Variants in GRB2 observed in about 807,000 individuals in gnomAD.
GRB2 encodes growth factor receptor-bound protein 2.
Under a neutral mutation model 27.4 loss-of-function variants are expected in GRB2, and 2 were observed. The ratio of observed to expected loss-of-function variants is 0.07; its 90% CI spans 0.03 to 0.23. GRB2 has a LOEUF of 0.23. Among genes scored for constraint, GRB2 ranks in the 10% least tolerant of loss-of-function variants. GRB2 has a pLI of 1.00. For synonymous variants in GRB2, 94 were observed against 99.6 expected (o/e 0.94, Z 0.33); for missense variants, 102 against 282.4 (o/e 0.36, Z 4.58).
At position 75,347,913 on chromosome 17, in the gene GRB2, T is replaced by C. The variant is rs543581516; in HGVS notation, c.79-15116A>G. Among the ~76,000 whole-genome samples, 84 of 152,328 alleles carry C rather than the reference T, an allele frequency of 5.5e-4. 1 individual carries two copies. The highest frequency in any genetic ancestry group is 1.9e-3 in the African/African-American group (81 of 41,574). On this transcript the variant is annotated intron_variant, in intron 2 of 5. Transcript: ENST00000316804. The stretch of plus-strand genomic sequence containing the variant: ...GCCTAAAATCAGTTGTATATGTCTT[T>C]TGGAATGCATTAAGGACATGCTCCT...
In GRB2 at chr17:75,363,120, T is replaced by A. The variant is rs545682427; in HGVS notation, c.79-30323A>T. On this transcript the variant is annotated intron_variant, in intron 2 of 5. Coordinates refer to ENST00000316804, the MANE Select transcript of GRB2 (RefSeq NM_002086.5). ...CTATTCCTGTCACAAAGTATGTGTA[T>A]CTGTTTGATTTGGGGGAAAGGGAAG... is the stretch of plus-strand genomic sequence containing the variant. 2.0e-5 allele frequency among the ~76,000 whole-genome samples: 3 copies of A among 152,308 alleles called. No individual in the cohort carries two copies. The South Asian group carries it at 6.2e-4, about 32-fold the overall frequency.
At chr17:75,337,610 G>A (rs1169580929) in intron 2 of GRB2, among the ~76,000 whole-genome samples, 4 of 144,320 alleles carry the variant, frequency 2.8e-5, no homozygotes, top group Non-Finnish European at 6.0e-5. Context: ...TCGCTCTGTC[G>A]CCCAGGCTGG....
chr17:75,332,331 T>C (rs2078546696), intron 3 of GRB2, among the ~76,000 whole-genome samples: 2 of 152,078 alleles, frequency 1.3e-5, no homozygotes, highest in Admixed American at 1.3e-4. Flanking sequence ...TAAGATACCG[T>C]CCCACAGCAT....
At chr17:75,333,093 TAAGACGG>T (rs2078552017) in intron 2 of GRB2, among the ~76,000 whole-genome samples, 1 of 152,020 alleles carries the variant, frequency 6.6e-6, no homozygotes. Context: ...TTTTTTTTTT[TAAGACGG>T]AGTCTTGCTC....
chr17:75,352,283 A>G (rs2078697429), intron 2 of GRB2, among the ~76,000 whole-genome samples: 1 of 152,116 alleles, frequency 6.6e-6, no homozygotes, highest in South Asian at 2.1e-4. Flanking sequence ...CTCCGCCTCT[A>G]GTTCTTTCTC....
chr17:75,362,172 C>T (rs1429256248), intron 2 of GRB2, among the ~76,000 whole-genome samples: 4 of 152,162 alleles, frequency 2.6e-5, no homozygotes, highest in African/African-American at 9.7e-5. Context: ...CTCCAGGACA[C>T]AGATACGTAG....
At chr17:75,350,357 G>A (rs1358598537) in intron 2 of GRB2, among the ~76,000 whole-genome samples, 2 of 152,146 alleles carry the variant, frequency 1.3e-5, no homozygotes, top group Non-Finnish European at 2.9e-5. Context: ...AGAGCTGACA[G>A]CAGGGGAAGC....
intron 1 of GRB2, among the ~76,000 whole-genome samples, chr17:75,401,904 C>CTTAAG (rs1567879197): frequency 2.0e-5 from 3 of 152,126 alleles, no homozygotes; most frequent in Non-Finnish European, 4.4e-5. Flanking sequence ...GAGACCTTAA[C>CTTAAG]TAGTATTTTC....
At chr17:75,337,895 C>CTATTATTATTAT (rs1349829988) in intron 2 of GRB2, among the ~76,000 whole-genome samples, 1 of 124,482 alleles carries the variant, frequency 8.0e-6, no homozygotes, top group African/African-American at 3.3e-5. Context: ...ACTACTACTA[C>CTATTATTATTAT]TACTACTATT....
Position 75,320,824 on chromosome 17 carries a change from G to C in GRB2, c.469-271C>G, listed in dbSNP as rs982726702. 4.6e-5 allele frequency among the ~76,000 whole-genome samples: 7 copies of C among 152,142 alleles called. No individual in the cohort carries two copies. The highest frequency in any genetic ancestry group is 7.3e-5 in the Non-Finnish European group (5 of 68,038). On this transcript the variant is annotated intron_variant, in intron 5 of 5. Transcript: ENST00000316804. The surrounding 1 kb of genome is among the most constrained non-coding windows in gnomAD (Gnocchi z 4.3). ...CAACTGTGCCGTATTATCAAGTAGA[G>C]GGCAGGCAGTGCTTGGAGGAGAAAG...
chr17:75,397,702 C>T (rs966614374), intron 1 of GRB2, among the ~76,000 whole-genome samples: 1 of 152,104 alleles, frequency 6.6e-6, no homozygotes, highest in Non-Finnish European at 1.5e-5. Context: ...CCAGTTTTCT[C>T]ATCTGTAAAA....
intron 2 of GRB2, among the ~76,000 whole-genome samples, chr17:75,344,996 C>CCT (rs111769401): frequency 0.076 from 11,563 of 151,992 alleles, 452 homozygotes; most frequent in Middle Eastern, 0.13. Context: ...GGAGCTCAAA[C>CCT]CTCTACCCTG....
intron 2 of GRB2, among the ~76,000 whole-genome samples, chr17:75,374,865 A>T (rs1178561128): frequency 6.6e-6 from 1 of 152,122 alleles, no homozygotes; most frequent in Non-Finnish European, 1.5e-5. Flanking sequence ...TACTCTCTGC[A>T]CGGCATTCAG....
chr17:75,371,825 A>T (rs532987328), intron 2 of GRB2: 6 of 152,024 alleles, frequency 3.9e-5, no homozygotes, highest in Non-Finnish European at 8.8e-5. Context: ...AGAAAGTAAG[A>T]TCACCCAACC....
chr17:75,320,075 T>C lies in GRB2; in HGVS notation c.*293A>G, dbSNP rs1219492738. 6.1e-6 allele frequency: 2 copies of C among 328,712 alleles called. No individual in the cohort carries two copies. Among genetic ancestry groups the C allele is most frequent in the African/African-American group, 2.1e-5 (1 of 47,962 alleles). 20.4% of individuals were successfully genotyped at this position (328,712 alleles called of 1,614,324 possible). A position where few individuals can be genotyped will look rare whatever the true frequency, so the allele number is the denominator to read the frequency against. ...ATACGTGGCCTTAAACGTCATGCAC[T>C]GATGGACAGAAGAGAAAAAAGGATG... On this transcript the variant is annotated 3_prime_UTR_variant, in exon 6 of 6. Coordinates refer to ENST00000316804, the MANE Select transcript of GRB2 (RefSeq NM_002086.5). This position sits in a 1 kb window ranked among gnomAD's most constrained non-coding sequence, Gnocchi z 4.3.
chr17:75,364,393 C>T (rs2145850197), intron 2 of GRB2, among the ~76,000 whole-genome samples: 1 of 152,244 alleles, frequency 6.6e-6, no homozygotes, highest in South Asian at 2.1e-4. Context: ...ACAAATTAGG[C>T]CATTTCATCT....
At chr17:75,364,745 T>C (rs1361762728) in intron 2 of GRB2, among the ~76,000 whole-genome samples, 2 of 152,022 alleles carry the variant, frequency 1.3e-5, no homozygotes, top group Admixed American at 6.6e-5. Context: ...TTTAAGACTA[T>C]TATGGACAAT....
intron 2 of GRB2, chr17:75,338,906 A>G (rs2078600432): frequency 4.5e-6 from 4 of 883,930 alleles, no homozygotes; most frequent in South Asian, 3.9e-5. Context: ...ACACAGTACA[A>G]GAAGGGAAAG....
intron 2 of GRB2, among the ~76,000 whole-genome samples, chr17:75,333,324 C>T (rs2078553950): frequency 6.6e-6 from 1 of 152,154 alleles, no homozygotes; most frequent in African/African-American, 2.4e-5. Flanking sequence ...GATCTGCCCA[C>T]CTTGGCCTCT....
Sources: allele counts gnomAD v4.1 joint callset (sites outside exome capture counted in the v4.1 genomes callset), GRCh38; gene constraint gnomAD v4.1.1; non-coding constraint Gnocchi (gnomAD v3.1); transcripts MANE v1.5; gene names NCBI Gene and HGNC (gene_info 2026-07-23, HGNC 2026-07-21).